PSTPIP2: variants seen among roughly 807,000 people sequenced by gnomAD.
PSTPIP2 encodes the protein proline-serine-threonine phosphatase-interacting protein 2.
A neutral mutation model predicts 63.3 loss-of-function variants in PSTPIP2; 33 were observed. The ratio of observed to expected loss-of-function variants is 0.52; its 90% CI spans 0.40 to 0.70. The LOEUF is 0.70. Among genes scored for constraint, PSTPIP2 ranks in the 30% least tolerant of loss-of-function variants. PSTPIP2 has a pLI of 0.00. For synonymous variants in PSTPIP2, 125 were observed against 132.7 expected (o/e 0.94, Z 0.40); for missense variants, 312 against 400.7 (o/e 0.78, Z 1.89).
intron 3 of PSTPIP2, among the ~76,000 whole-genome samples, chr18:46,023,025 A>G (rs1018340428): frequency 6.6e-6 from 1 of 152,118 alleles, no homozygotes; most frequent in Non-Finnish European, 1.5e-5. Flanking sequence ...CAGAAAACCA[A>G]ATACTACATG....
chr18:46,002,675 A>G (rs1202687979), intron 6 of PSTPIP2, among the ~76,000 whole-genome samples: 2 of 152,018 alleles, frequency 1.3e-5, no homozygotes, highest in African/African-American at 4.8e-5. Flanking sequence ...TCAAGTGTGA[A>G]TCAGGTGTAG....
chr18:46,032,508 C>G (rs917221033), intron 2 of PSTPIP2, among the ~76,000 whole-genome samples: 2 of 152,030 alleles, frequency 1.3e-5, no homozygotes, highest in Admixed American at 6.6e-5. Flanking sequence ...AATCCCAGCA[C>G]TTTGGGAGGC....
intron 1 of PSTPIP2, among the ~76,000 whole-genome samples, chr18:46,069,238 GTGTCTGAT>G (rs2042700632): frequency 1.3e-5 from 2 of 152,326 alleles, no homozygotes; most frequent in South Asian, 4.1e-4. Context: ...AAGGACACTG[GTGTCTGAT>G]CATCCCAAAA....
chr18:46,020,056 A>G (rs569592358), intron 3 of PSTPIP2, among the ~76,000 whole-genome samples: 4 of 152,264 alleles, frequency 2.6e-5, no homozygotes, highest in Admixed American at 1.3e-4. Context: ...AAGGGCCCCT[A>G]AAAGAGCAGC....
intron 2 of PSTPIP2, among the ~76,000 whole-genome samples, chr18:46,030,110 G>A (rs938436962): frequency 6.6e-6 from 1 of 151,486 alleles, no homozygotes; most frequent in African/African-American, 2.4e-5. Context: ...ACAAGACTCC[G>A]ACTCAAAAAA....
chr18:46,005,383 A>G, intron 6 of PSTPIP2, 86 bp downstream of exon 6: 6 of 1,102,052 alleles, frequency 5.4e-6, no homozygotes, highest in Non-Finnish European at 7.8e-6. Flanking sequence ...TTGAAATGTT[A>G]TTTGAGTAGG....
chr18:45,988,610 TG>T lies in PSTPIP2; in HGVS notation c.*8+91del. Reference sequence around the variant, plus strand: ...TGCCTCATGCAAGGCCTTGCTAGTTTGTGGTAGTGTTATAAATAAGGTTCAA... The same window carrying T: ...TGCCTCATGCAAGGCCTTGCTAGTTTTGGTAGTGTTATAAATAAGGTTCAA... On this transcript the variant is annotated intron_variant, in intron 14 of 14. Transcript: ENST00000409746. The T allele has an allele frequency of 4.5e-6, 5 of 1,114,964 alleles. No homozygotes were observed. In the South Asian group the frequency reaches 5.2e-5, roughly 12 times the overall value. 69.1% of individuals were successfully genotyped at this position (1,114,964 alleles called of 1,614,324 possible).
chr18:46,004,720 C>T (rs995033056), intron 6 of PSTPIP2, among the ~76,000 whole-genome samples: 6 of 152,004 alleles, frequency 3.9e-5, no homozygotes, highest in African/African-American at 1.5e-4. Flanking sequence ...TTCAATCTTT[C>T]CAAGGCCTTA....
chr18:45,999,907 G>T (rs1204742501), intron 6 of PSTPIP2, among the ~76,000 whole-genome samples: 3 of 152,224 alleles, frequency 2.0e-5, no homozygotes, highest in Non-Finnish European at 2.9e-5. Flanking sequence ...AGAGGCTTAA[G>T]TGGGTGGATT....
intron 3 of PSTPIP2, among the ~76,000 whole-genome samples, chr18:46,024,407 G>T (rs1907501703): frequency 6.6e-6 from 1 of 152,092 alleles, no homozygotes; most frequent in Admixed American, 6.6e-5. Context: ...CAAAGTGCTG[G>T]GGTTAGAGGC....
In PSTPIP2 at chr18:46,032,266, A is replaced by C. The variant is rs182581153; in HGVS notation, c.135-7580T>G. Among the ~76,000 whole-genome samples the C allele has an allele frequency of 2.5e-3, 388 of 152,312 alleles. 3 individuals carry two copies. Among genetic ancestry groups the C allele is most frequent in the Non-Finnish European group, 4.1e-3 (282 of 68,030 alleles). Reference sequence around the variant, plus strand: ...GGAGAGAGATGCAAACCAATATTTTAGTTTACTACCATGTAACAAGGGCCA... The same window carrying C: ...GGAGAGAGATGCAAACCAATATTTTCGTTTACTACCATGTAACAAGGGCCA... On this transcript the variant is annotated intron_variant, in intron 2 of 14. Coordinates refer to ENST00000409746, the MANE Select transcript of PSTPIP2 (RefSeq NM_024430.4).
At chr18:45,997,046 A>G (rs1022611973) in intron 9 of PSTPIP2, among the ~76,000 whole-genome samples, 1 of 152,236 alleles carries the variant, frequency 6.6e-6, no homozygotes, top group African/African-American at 2.4e-5. Flanking sequence ...TGATTCAGCT[A>G]TTCTATGCTT....
At chr18:45,987,424 G>A (rs2051479384) in intron 14 of PSTPIP2, among the ~76,000 whole-genome samples, 1 of 150,072 alleles carries the variant, frequency 6.7e-6, no homozygotes, top group Admixed American at 6.7e-5. Context: ...CCCACTGCCT[G>A]CCACTTGGTC....
chr18:45,988,560 G>A, intron 14 of PSTPIP2, 142 bp downstream of exon 14: 3 of 669,664 alleles, frequency 4.5e-6, no homozygotes. Flanking sequence ...GTGTCCTGAA[G>A]GGACAGCATG....
chr18:46,015,961 A>C (rs752072708), intron 3 of PSTPIP2, 24 bp from the exon 4 acceptor site: 7 of 1,609,018 alleles, frequency 4.4e-6, no homozygotes, highest in South Asian at 3.3e-5. Flanking sequence ...GCACATATAT[A>C]ATTTCAGTTC....
intron 2 of PSTPIP2, among the ~76,000 whole-genome samples, chr18:46,036,198 TGTA>T (rs1907973676): frequency 2.0e-5 from 3 of 150,510 alleles, no homozygotes; most frequent in South Asian, 2.1e-4. Flanking sequence ...AACAATTAAT[TGTA>T]GTAGTTATGA....
chr18:46,071,244 G>A (rs1909381169), intron 1 of PSTPIP2, among the ~76,000 whole-genome samples: 1 of 152,198 alleles, frequency 6.6e-6, no homozygotes, highest in Non-Finnish European at 1.5e-5. Context: ...GGGGAGGCAA[G>A]CAGGAGCCCC....
intron 2 of PSTPIP2, among the ~76,000 whole-genome samples, chr18:46,038,011 T>C (rs1435660151): frequency 6.6e-6 from 1 of 152,208 alleles, no homozygotes; most frequent in Non-Finnish European, 1.5e-5. Context: ...GTTTTTCAAC[T>C]GTGGGTCACG....
intron 2 of PSTPIP2, among the ~76,000 whole-genome samples, chr18:46,037,876 A>T (rs1289671106): frequency 6.6e-6 from 1 of 152,238 alleles, no homozygotes; most frequent in Non-Finnish European, 1.5e-5. Context: ...AAAAGAGAAC[A>T]TATACTAGAA....
Sources: gnomAD v4.1 joint callset for allele counts (sites outside exome capture counted in the v4.1 genomes callset) on GRCh38, gnomAD v4.1.1 for gene constraint, MANE v1.5 for transcripts, NCBI Gene and HGNC (gene_info 2026-07-23, HGNC 2026-07-21) for gene names.